The following LPAR1 variants were observed in gnomAD, a reference collection of about 807,000 sequenced individuals.
LPAR1 encodes LPA receptor 1.
In LPAR1, 5 loss-of-function variants were observed where a neutral mutation model predicts 23.8. The observed-to-expected ratio is 0.21, with a 90% CI of 0.11 to 0.44. The LOEUF (loss-of-function observed/expected upper bound fraction) is 0.44. Among genes scored for constraint, LPAR1 ranks in the 20% least tolerant of loss-of-function variants. LPAR1 has a pLI of 0.99. For synonymous variants in LPAR1, 160 were observed against 164.7 expected, an observed-to-expected ratio of 0.97 and a Z score of 0.22; for missense variants, 311 against 482.8, an observed-to-expected ratio of 0.64 and a Z score of 3.33.
chr9:111,014,410 T>C (rs1448380628), intron 2 of LPAR1, among the ~76,000 whole-genome samples: 1 of 152,134 alleles, frequency 6.6e-6, no homozygotes, highest in Non-Finnish European at 1.5e-5. Flanking sequence ...GAGAAGTTGA[T>C]GAACATCAGG....
At chr9:110,937,968 G>A (rs1261232440) in intron 5 of LPAR1, among the ~76,000 whole-genome samples, 1 of 152,202 alleles carries the variant, frequency 6.6e-6, no homozygotes, top group East Asian at 1.9e-4. Context: ...GTGTCGCTAG[G>A]TTTGGCTCCC....
chr9:111,027,246 C>T (rs1194571339), intron 2 of LPAR1, among the ~76,000 whole-genome samples: 1 of 152,096 alleles, frequency 6.6e-6, no homozygotes, highest in Non-Finnish European at 1.5e-5. Context: ...GGCGTTCATG[C>T]CTGCAATCCC....
chr9:110,982,168 A>G (rs966193341), intron 2 of LPAR1, among the ~76,000 whole-genome samples: 1 of 152,192 alleles, frequency 6.6e-6, no homozygotes, highest in African/African-American at 2.4e-5. Flanking sequence ...ATAAAGACAC[A>G]TACACACATA....
chr9:111,026,075 G>C (rs2097686041), intron 2 of LPAR1, among the ~76,000 whole-genome samples: 1 of 152,146 alleles, frequency 6.6e-6, no homozygotes, highest in Non-Finnish European at 1.5e-5. Context: ...AAAGTCAATG[G>C]TAGCTTGATG....
chr9:110,941,323 G>A lies in LPAR1; in HGVS notation c.793+98C>T. On this transcript the variant is annotated intron_variant, in intron 5 of 5. Coordinates refer to ENST00000683809, the MANE Select transcript of LPAR1 (RefSeq NM_001351411.2). This position sits in a 1 kb window ranked among gnomAD's most constrained non-coding sequence, Gnocchi z 6.1. Reference sequence around the variant, plus strand: ...TGTAATTCCTGGTGAATTACCTGGTGAATATTCATACTGTTGGTTACCTCT... The same window carrying A: ...TGTAATTCCTGGTGAATTACCTGGTAAATATTCATACTGTTGGTTACCTCT... The A allele has an allele frequency of 1.8e-6, 2 of 1,103,204 alleles. No homozygotes were observed. Among genetic ancestry groups the A allele is most frequent in the Non-Finnish European group, 2.6e-6 (2 of 770,622 alleles). The allele number at this position is 1,103,204 out of a possible 1,614,324, so 68.3% of individuals were successfully genotyped here.
chr9:110,964,920 G>A (rs954903952), intron 4 of LPAR1, among the ~76,000 whole-genome samples: 1 of 126,970 alleles, frequency 7.9e-6, no homozygotes, highest in Non-Finnish European at 1.6e-5. Context: ...CTGGAGTGCA[G>A]TAGTGCGATC....
intron 2 of LPAR1, among the ~76,000 whole-genome samples, chr9:110,996,460 G>A (rs1008305566): frequency 1.3e-5 from 2 of 151,776 alleles, no homozygotes; most frequent in South Asian, 2.1e-4. Flanking sequence ...AAAGGAGTCC[G>A]CTTACAAAAA....
At chr9:110,958,977 T>C (rs1033249409) in intron 4 of LPAR1, among the ~76,000 whole-genome samples, 2 of 150,880 alleles carry the variant, frequency 1.3e-5, no homozygotes, top group African/African-American at 4.9e-5. Context: ...TTAACTTTCC[T>C]AATCATCAGG....
At chr9:110,972,026 G>C (rs898393512) in intron 4 of LPAR1, 47 bp downstream of exon 4, 8 of 1,534,824 alleles carry the variant, frequency 5.2e-6, no homozygotes, top group African/African-American at 2.7e-5. Flanking sequence ...TTAAATATTT[G>C]ACAAACTTAC....
chr9:110,913,934 C>G (rs984523665), intron 5 of LPAR1, among the ~76,000 whole-genome samples: 10 of 152,140 alleles, frequency 6.6e-5, no homozygotes, highest in African/African-American at 2.2e-4. Flanking sequence ...CTGGCTATTA[C>G]CAGACTGTAT....
chr9:110,986,071 C>T (rs958642950), intron 2 of LPAR1, among the ~76,000 whole-genome samples: 6 of 152,102 alleles, frequency 3.9e-5, no homozygotes, highest in Non-Finnish European at 8.8e-5. Flanking sequence ...GGGTAAGAGA[C>T]AGACTTCATT....
At chr9:110,895,224 T>C (rs2085895708) in intron 5 of LPAR1, among the ~76,000 whole-genome samples, 1 of 152,206 alleles carries the variant, frequency 6.6e-6, no homozygotes. Flanking sequence ...TGGAAAAGAA[T>C]GAAATCCTTC....
intron 2 of LPAR1, among the ~76,000 whole-genome samples, chr9:111,016,454 T>C (rs569579645): frequency 8.4e-4 from 128 of 152,308 alleles, no homozygotes; most frequent in African/African-American, 3.0e-3. Context: ...ATTTAGCACA[T>C]AGACTTCCAG....
chr9:110,905,349 A>ATT (rs568073138), intron 5 of LPAR1, among the ~76,000 whole-genome samples: 20,670 of 145,052 alleles, frequency 0.14, 1,532 homozygotes, highest in African/African-American at 0.16. Context: ...TTTTTTTATT[A>ATT]TTTTTTTTTT....
intron 4 of LPAR1, among the ~76,000 whole-genome samples, chr9:110,953,091 T>C (rs1443313800): frequency 6.6e-6 from 1 of 151,964 alleles, no homozygotes; most frequent in Non-Finnish European, 1.5e-5. Context: ...TCCCACAGGG[T>C]TGCCCCATCA....
chr9:111,017,387 CTAA>C (rs1301423311), intron 2 of LPAR1, among the ~76,000 whole-genome samples: 4 of 152,214 alleles, frequency 2.6e-5, no homozygotes, highest in Non-Finnish European at 5.9e-5. Context: ...GCCTCCATCA[CTAA>C]TGAGATATCA....
chr9:110,884,287 C>G (rs921096417), intron 5 of LPAR1, among the ~76,000 whole-genome samples: 51 of 152,272 alleles, frequency 3.3e-4, no homozygotes, highest in African/African-American at 1.2e-3. Context: ...AATCTAATTC[C>G]TACTCACACT....
At chr9:110,943,417 G>A (rs566139166) in intron 4 of LPAR1, among the ~76,000 whole-genome samples, 6 of 152,064 alleles carry the variant, frequency 3.9e-5, no homozygotes, top group African/African-American at 9.6e-5. Flanking sequence ...CAAGAACAAC[G>A]TGAAATACTT....
chr9:110,994,250 CA>C (rs1307203226), intron 2 of LPAR1, among the ~76,000 whole-genome samples: 1 of 152,130 alleles, frequency 6.6e-6, no homozygotes, highest in Non-Finnish European at 1.5e-5. Context: ...ACACAATGAA[CA>C]GCCTATAATC....
Sources: gnomAD v4.1 joint callset for allele counts (sites outside exome capture counted in the v4.1 genomes callset) on GRCh38, gnomAD v4.1.1 for gene constraint, Gnocchi (gnomAD v3.1) non-coding constraint, MANE v1.5 for transcripts, NCBI Gene and HGNC (gene_info 2026-07-23, HGNC 2026-07-21) for gene names.